PTPRD: variants seen among roughly 807,000 people sequenced by gnomAD.
PTPRD encodes receptor-type tyrosine-protein phosphatase delta.
Under a neutral mutation model 214.5 loss-of-function variants are expected in PTPRD, and 34 were observed. The ratio of observed to expected loss-of-function variants is 0.16; its 90% CI spans 0.12 to 0.21. The LOEUF is 0.21. Ranked by LOEUF, PTPRD falls within the 10% of genes least tolerant of loss-of-function variation. The pLI, the probability that PTPRD is intolerant of heterozygous loss-of-function variation, is 1.00. For missense variants in PTPRD, 2,545 were observed against 2,398.7 expected, an observed-to-expected ratio of 1.06 and a Z score of -1.27; for synonymous variants, 1,128 against 845.7, an observed-to-expected ratio of 1.33 and a Z score of -5.79.
intron 2 of PTPRD, among the ~76,000 whole-genome samples, chr9:10,584,199 G>T (rs1418707380): frequency 6.8e-6 from 1 of 147,248 alleles, no homozygotes; most frequent in Non-Finnish European, 1.5e-5. Context: ...AAAAAAGAAA[G>T]AAAAAAAAAG....
rs141110709 is a variant in PTPRD at position 9,943,578 on chromosome 9, A to C, written c.-471-4968T>G. Among the ~76,000 whole-genome samples, 1,290 of 152,258 alleles carry C rather than the reference A, an allele frequency of 8.5e-3. 18 individuals carry two copies. The highest frequency in any genetic ancestry group is 0.029 in the African/African-American group (1,215 of 41,544). On this transcript the variant is annotated intron_variant, in intron 4 of 45. Transcript: ENST00000381196. Reference sequence around the variant, plus strand: ...TAGCGAACATGTAATTAAGCAAATAATATGCTATATTAGAAGATATTAGAA... The same window carrying C: ...TAGCGAACATGTAATTAAGCAAATACTATGCTATATTAGAAGATATTAGAA...
chr9:10,148,047 C>G (rs960121919), intron 3 of PTPRD, among the ~76,000 whole-genome samples: 2 of 152,162 alleles, frequency 1.3e-5, no homozygotes, highest in Non-Finnish European at 2.9e-5. Flanking sequence ...ATACGACTTT[C>G]TAAATCCAGA....
At chr9:9,845,122 A>C (rs1219642128) in intron 5 of PTPRD, among the ~76,000 whole-genome samples, 2 of 87,184 alleles carry the variant, frequency 2.3e-5, no homozygotes, top group Admixed American at 3.2e-4. Context: ...ATATTGCTCT[A>C]TATATAGAGC....
rs140536635 is a variant in PTPRD, at chr9:9,526,416, T to A, written c.-237+48316A>T. On this transcript the variant is annotated intron_variant, in intron 8 of 45. Coordinates refer to ENST00000381196, the MANE Select transcript of PTPRD (RefSeq NM_002839.4). ...AAGGCCAAAGTGCTTTCCAAAGGGG[T>A]TGCACCATGGCATTATGTAATTTTA... Among the ~76,000 whole-genome samples the A allele has an allele frequency of 6.5e-3, 995 of 152,264 alleles. 4 individuals are homozygous for A. Among genetic ancestry groups the A allele is most frequent in the Non-Finnish European group, 0.011 (757 of 68,006 alleles).
intron 44 of PTPRD, among the ~76,000 whole-genome samples, chr9:8,321,487 G>GTGTGTGTGTATA (rs1168847469): frequency 2.2e-5 from 1 of 44,540 alleles, no homozygotes; most frequent in Non-Finnish European, 3.9e-5. Context: ...GTGTGTGTGT[G>GTGTGTGTGTATA]TATATATATA....
intron 30 of PTPRD, among the ~76,000 whole-genome samples, chr9:8,480,808 A>T (rs1420538464): frequency 6.6e-6 from 1 of 152,184 alleles, no homozygotes; most frequent in East Asian, 1.9e-4. Flanking sequence ...TGGGATAAAA[A>T]TTACACAAAT....
intron 5 of PTPRD, among the ~76,000 whole-genome samples, chr9:9,773,670 C>A (rs1420941164): frequency 6.6e-6 from 1 of 152,170 alleles, no homozygotes; most frequent in Non-Finnish European, 1.5e-5. Context: ...TTAGCAAATT[C>A]ATATTTTTAC....
At chr9:9,796,291 A>G (rs1259693439) in intron 5 of PTPRD, among the ~76,000 whole-genome samples, 2 of 152,154 alleles carry the variant, frequency 1.3e-5, no homozygotes, top group African/African-American at 4.8e-5. Flanking sequence ...CAGGGAGAGT[A>G]AGATAAAATT....
intron 8 of PTPRD, among the ~76,000 whole-genome samples, chr9:9,513,843 T>C (rs971791639): frequency 6.6e-6 from 1 of 152,058 alleles, no homozygotes; most frequent in East Asian, 1.9e-4. Flanking sequence ...TATCACCTGC[T>C]GGTTTTTATT....
chr9:8,840,244 G>A (rs1331425992), intron 11 of PTPRD, among the ~76,000 whole-genome samples: 1 of 152,200 alleles, frequency 6.6e-6, no homozygotes, highest in Non-Finnish European at 1.5e-5. Flanking sequence ...TGTTGTAGGA[G>A]ATACCTGGTG....
At chr9:9,821,650 C>T (rs913048069) in intron 5 of PTPRD, among the ~76,000 whole-genome samples, 3 of 151,956 alleles carry the variant, frequency 2.0e-5, no homozygotes, top group Non-Finnish European at 2.9e-5. Context: ...TGTTGCCACA[C>T]GTATTTTTAA....
chr9:10,094,383 T>C (rs200232890), intron 3 of PTPRD, among the ~76,000 whole-genome samples: 1 of 151,344 alleles, frequency 6.6e-6, no homozygotes, highest in Non-Finnish European at 1.5e-5. Flanking sequence ...TCCAGATTCA[T>C]AGAGCCACTT....
At position 9,090,671 on chromosome 9, in the gene PTPRD, T is replaced by TA. The variant is rs972657076; in HGVS notation, c.-142-71937dup. Reference sequence around the variant, plus strand: ...GCAGCCTGGCACTTTCATACAAACTTAAAAAACATTTTCATCTTCCTAAGT... The same window carrying TA: ...GCAGCCTGGCACTTTCATACAAACTTAAAAAAACATTTTCATCTTCCTAAGT... On this transcript the variant is annotated intron_variant, in intron 10 of 45. Transcript: ENST00000381196. Among the ~76,000 whole-genome samples the TA allele has an allele frequency of 2.0e-5, 3 of 152,166 alleles. No individual in the cohort carries two copies. The South Asian group carries it at 6.2e-4, about 31-fold the overall frequency.
At chr9:10,005,531 A>G (rs2096456014) in intron 4 of PTPRD, among the ~76,000 whole-genome samples, 1 of 152,110 alleles carries the variant, frequency 6.6e-6, no homozygotes, top group South Asian at 2.1e-4. Flanking sequence ...TGGTTATCAG[A>G]AAGTCGAGAA....
At chr9:8,505,374 C>G (rs1406935479) in intron 22 of PTPRD, among the ~76,000 whole-genome samples, 7 of 151,944 alleles carry the variant, frequency 4.6e-5, no homozygotes, top group East Asian at 1.9e-4. Flanking sequence ...TGTAATCCCA[C>G]CACTTTGGGA....
intron 2 of PTPRD, among the ~76,000 whole-genome samples, chr9:10,484,041 A>G (rs1191012534): frequency 6.6e-6 from 1 of 152,138 alleles, no homozygotes; most frequent in Non-Finnish European, 1.5e-5. Flanking sequence ...CAACCAGTGA[A>G]TGAATATAGA....
intron 7 of PTPRD, among the ~76,000 whole-genome samples, chr9:9,581,482 TC>T (rs1477113703): frequency 6.6e-6 from 1 of 152,126 alleles, no homozygotes; most frequent in African/African-American, 2.4e-5. Context: ...GCTTATCATC[TC>T]AGAAACACAA....
At chr9:10,503,862 A>G (rs1289393200) in intron 2 of PTPRD, among the ~76,000 whole-genome samples, 1 of 151,946 alleles carries the variant, frequency 6.6e-6, no homozygotes, top group East Asian at 1.9e-4. Context: ...CACACCTGTA[A>G]TCCCAGCACT....
At chr9:9,096,510 T>C (rs1055889893) in intron 10 of PTPRD, among the ~76,000 whole-genome samples, 2 of 152,200 alleles carry the variant, frequency 1.3e-5, no homozygotes, top group Non-Finnish European at 2.9e-5. Flanking sequence ...TTTTTACAAT[T>C]AGATGTTAAC....
Sources: allele counts gnomAD v4.1 joint callset (sites outside exome capture counted in the v4.1 genomes callset), GRCh38; gene constraint gnomAD v4.1.1; transcripts MANE v1.5; gene names NCBI Gene and HGNC (gene_info 2026-07-23, HGNC 2026-07-21).